Variants in ALOX12 observed in about 807,000 individuals in gnomAD.
ALOX12 encodes the protein arachidonate 12-lipoxygenase, 12S type.
ALOX12 carries 62 observed loss-of-function variants against 85.5 expected under a neutral mutation model. The observed-to-expected ratio is 0.73, with a 90% CI of 0.59 to 0.90. The LOEUF is 0.90. ALOX12 is among the 40% of genes least tolerant of loss of function. The pLI, the probability that ALOX12 is intolerant of heterozygous loss-of-function variation, is 0.00. For synonymous variants in ALOX12, 299 were observed against 332.7 expected, an observed-to-expected ratio of 0.90 and a Z score of 1.10; for missense variants, 751 against 856.5, an observed-to-expected ratio of 0.88 and a Z score of 1.54.
At chr17:6,997,267 T>G in intron 2 of ALOX12, 2 of 469,202 alleles carry the variant, frequency 4.3e-6, no homozygotes, top group Non-Finnish European at 5.6e-6. Flanking sequence ...GATCTGGAGA[T>G]CCCATCTTCC....
rs372860181 is a variant in ALOX12 at position 6,996,995 on chromosome 17, G to A, written c.305G>A (p.Gly102Asp). Residue 102 changes from glycine (G) to aspartate (D), a missense_variant, in exon 2 of 14, where the codon GGC becomes GAC. Physicochemically the swap from Gly to Asp is moderately conservative, Grantham distance 94. Transcript: ENST00000251535. ...VAFPCYRWVQ[G>D]EDILSLPEGT... ...TTCCCGTGCTACCGCTGGGTGCAGG[G>A]CGAGGACATCCTGAGCCTGCCCGAG... is the stretch of plus-strand genomic sequence containing the variant. 3 of 1,560,150 alleles carry A rather than the reference G, an allele frequency of 1.9e-6. No individual in the cohort carries two copies. Among genetic ancestry groups the A allele is most frequent in the African/African-American group, 1.4e-5 (1 of 73,724 alleles).
chr17:6,996,983 G>A lies in ALOX12; in HGVS notation c.293G>A (p.Arg98His), dbSNP rs1908473755. ...GCGGAGGTGGCCTTCCCGTGCTACC[G>A]CTGGGTGCAGGGCGAGGACATCCTG... ...ACAEVAFPCY[R>H]WVQGEDILSL... Residue 98 changes from arginine (R) to histidine (H), a missense_variant, in exon 2 of 14, where the codon CGC becomes CAC. Physicochemically the swap from Arg to His is conservative, Grantham distance 29. Coordinates refer to ENST00000251535, the MANE Select transcript of ALOX12 (RefSeq NM_000697.3). The A allele has an allele frequency of 1.9e-6, 3 of 1,571,872 alleles. No homozygotes were observed. The South Asian group carries it at 3.5e-5, about 18-fold the overall frequency.
rs188741995 is a variant in ALOX12, at chr17:7,009,808, C to T, written c.1602C>T (p.Phe534=). Reference sequence around the variant, plus strand: ...GCCATTTCCTCACCATGTGCGTCTTCACGTGCACTGCCCAGCATGCCGCCA... The same window carrying T: ...GCCATTTCCTCACCATGTGCGTCTTTACGTGCACTGCCCAGCATGCCGCCA... ...QLCHFLTMCV[F]TCTAQHAAIN... is the part of the protein sequence containing the mutation. Residue 534 remains phenylalanine (F), a synonymous_variant, in exon 12 of 14, where the codon TTC becomes TTT. Coordinates refer to ENST00000251535, the MANE Select transcript of ALOX12 (RefSeq NM_000697.3). 6.2e-7 allele frequency: 1 copy of T among 1,614,240 alleles called. No individual in the cohort carries two copies. Among genetic ancestry groups the T allele is most frequent in the Non-Finnish European group, 8.5e-7 (1 of 1,180,044 alleles).
At chr17:7,003,257 C>T (rs567329135) in intron 8 of ALOX12, among the ~76,000 whole-genome samples, 1 of 152,348 alleles carries the variant, frequency 6.6e-6, no homozygotes, top group South Asian at 2.1e-4. Flanking sequence ...CTGCACATGT[C>T]TTAACAGTGG....
In ALOX12 at chr17:7,009,838, C is replaced by A. The variant is rs1567721358; in HGVS notation, c.1632C>A (p.Asn544Lys). Residue 544 changes from asparagine to lysine, a missense_variant, in exon 12 of 14, where the codon AAC becomes AAA. Transcript: ENST00000251535. ...FTCTAQHAAI[N>K]QGQLDWYAWV... ...GCACTGCCCAGCATGCCGCCATCAA[C>A]CAGGGCCAGGTATGGACAGCTGAAA... 6.2e-7 allele frequency: 1 copy of A among 1,614,190 alleles called. No individual in the cohort carries two copies. Among genetic ancestry groups the A allele is most frequent in the East Asian group, 2.2e-5 (1 of 44,890 alleles).
At position 6,996,121 on chromosome 17, in the gene ALOX12, G is replaced by A. The variant is rs1908415488; in HGVS notation, c.4G>A (p.Gly2Ser). The change falls in exon 1 of 14, where the codon GGC becomes AGC. Residue 2 changes from glycine (G) to serine (S), a missense_variant. Physicochemically the swap from Gly to Ser is moderately conservative, Grantham distance 56. Coordinates refer to ENST00000251535, the MANE Select transcript of ALOX12 (RefSeq NM_000697.3). M[G>S]RYRIRVATGA... The stretch of plus-strand genomic sequence containing the variant: ...GCCTAAGCTGCTGGGGGGCGCCATG[G>A]GCCGCTACCGCATCCGCGTGGCCAC... 2.4e-6 allele frequency: 3 copies of A among 1,250,084 alleles called. 1 individual carries two copies. The highest frequency in any genetic ancestry group is 8.0e-5 in the South Asian group (2 of 25,010). The allele number at this position is 1,250,084 out of a possible 1,614,324, so 77.4% of individuals were successfully genotyped here.
In ALOX12 at chr17:7,006,059, CCGGGGGGGGG is replaced by C. The variant is rs1406722036; in HGVS notation, c.1418+33_1418+42del. On this transcript the variant is annotated intron_variant, in intron 10 of 13. Coordinates refer to ENST00000251535, the MANE Select transcript of ALOX12 (RefSeq NM_000697.3). ...AAGGAGGAGCTGAGAAATGGTGGGG[CCGGGGGGGGG>C]GGGGGCTCTGGCCTGAGGCCAGCAT... The C allele has an allele frequency of 3.8e-4, 52 of 135,680 alleles. 22 individuals carry two copies. Among genetic ancestry groups the C allele is most frequent in the East Asian group, 7.7e-4 (2 of 2,612 alleles). 8.4% of individuals were successfully genotyped at this position (135,680 alleles called of 1,614,324 possible). A position where few individuals can be genotyped will look rare whatever the true frequency, so the allele number is the denominator to read the frequency against.
At chr17:7,005,199 C>A in intron 8 of ALOX12, 58 bp from the exon 9 acceptor site, 1 of 1,490,058 alleles carries the variant, frequency 6.7e-7, no homozygotes, top group Non-Finnish European at 9.4e-7. Context: ...CAGGCCCTAC[C>A]AGGAAGGACC....
Position 7,010,174 on chromosome 17 carries a change from A to G in ALOX12, c.1812+48A>G, listed in dbSNP as rs777020697. 10 of 1,599,000 alleles carry G rather than the reference A, an allele frequency of 6.3e-6. No individual in the cohort carries two copies. The Admixed American group carries it at 1.5e-4, about 24-fold the overall frequency. ...GGGAAATGACAGTTGGAAAGGAAAC[A>G]TCAGAGTGAGGGGCTGGGCTCTAGG... On this transcript the variant is annotated intron_variant, in intron 13 of 13. Transcript: ENST00000251535.
chr17:7,005,276 G>T lies in ALOX12; in HGVS notation c.1181G>T (p.Arg394Leu). Residue 394 changes from arginine to leucine, a missense_variant, in exon 9 of 14, where the codon CGC (arginine) becomes CTC (leucine). Physicochemically the swap from Arg to Leu is moderately radical, Grantham distance 102. Coordinates refer to ENST00000251535, the MANE Select transcript of ALOX12 (RefSeq NM_000697.3). ...CTCCAGTTCCTGATCCCCCATATCC[G>T]CTACACCATGGAAATCAACACCCGG... ...PIFKFLIPHI[R>L]YTMEINTRAR... The T allele has an allele frequency of 6.2e-7, 1 of 1,613,500 alleles. No individual in the cohort carries two copies. Among genetic ancestry groups the T allele is most frequent in the South Asian group, 1.1e-5 (1 of 91,060 alleles).
At chr17:6,996,324 CGGCGGGAG>C in intron 1 of ALOX12, 72 bp downstream of exon 1, 1 of 1,194,230 alleles carries the variant, frequency 8.4e-7, no homozygotes, top group Non-Finnish European at 1.0e-6. Flanking sequence ...GCTGGGCTCG[CGGCGGGAG>C]GGCGGGAGGC....
Position 7,010,329 on chromosome 17 carries a change from A to G in ALOX12, c.1898A>G (p.Lys633Arg), listed in dbSNP as rs773485489. The change falls in exon 14 of 14, where the codon AAG becomes AGG. Residue 633 changes from lysine (K) to arginine (R), a missense_variant. Coordinates refer to ENST00000251535, the MANE Select transcript of ALOX12 (RefSeq NM_000697.3). ...AACCAATTCCGAACAGATTTGGAAA[A>G]GCTGGAAAAGGAGATTACAGCCCGG... ...VLNQFRTDLE[K>R]LEKEITARNE... The G allele has an allele frequency of 1.2e-6, 2 of 1,614,212 alleles. No homozygotes were observed. Among genetic ancestry groups the G allele is most frequent in the Non-Finnish European group, 1.7e-6 (2 of 1,180,034 alleles).
Position 7,001,648 on chromosome 17 carries a change from C to A in ALOX12, c.998C>A (p.Pro333His). Residue 333 changes from proline (P) to histidine (H), a missense_variant, in exon 8 of 14, where the codon CCC becomes CAC. Pro to His is a moderately conservative substitution (Grantham distance 77, BLOSUM62 -2). Transcript: ENST00000251535. ...PSSPTPTLFL[P>H]SDPPLAWLLA... ...TCTCCAACCCCAACACTGTTCCTGCCCTCAGACCCCCCACTTGCCTGGCTC... is the reference window on the plus strand; with the variant it reads ...TCTCCAACCCCAACACTGTTCCTGCACTCAGACCCCCCACTTGCCTGGCTC... 1 of 1,614,184 alleles carries A rather than the reference C, an allele frequency of 6.2e-7. No homozygotes were observed. The highest frequency in any genetic ancestry group is 8.5e-7 in the Non-Finnish European group (1 of 1,180,040).
chr17:6,996,909 C>T lies in ALOX12; in HGVS notation c.219C>T (p.Asp73=). 6.2e-7 allele frequency: 1 copy of T among 1,613,440 alleles called. No individual in the cohort carries two copies. Among genetic ancestry groups the T allele is most frequent in the East Asian group, 2.2e-5 (1 of 44,854 alleles). ...VRLRKHHWLV[D]DAWFCDRITV... ...TGCGCAAGCACCACTGGCTGGTGGA[C>T]GACGCGTGGTTCTGCGACCGCATCA... The change falls in exon 2 of 14, where the codon GAC becomes GAT. Residue 73 remains aspartate, a synonymous_variant. Coordinates refer to ENST00000251535, the MANE Select transcript of ALOX12 (RefSeq NM_000697.3).
At chr17:7,005,555 A>G (rs2151644435) in intron 9 of ALOX12, among the ~76,000 whole-genome samples, 1 of 130,910 alleles carries the variant, frequency 7.6e-6, no homozygotes, top group Non-Finnish European at 1.5e-5. Flanking sequence ...ATCTCGGCTC[A>G]CTGCCATCTC....
Position 7,000,394 on chromosome 17 carries a change from T to G in ALOX12, c.866T>G (p.Ile289Ser). The change falls in exon 7 of 14, where the codon ATC (isoleucine) becomes AGC (serine). Residue 289 changes from isoleucine to serine, a missense_variant. Physicochemically the swap from Ile to Ser is moderately radical, Grantham distance 142. Coordinates refer to ENST00000251535, the MANE Select transcript of ALOX12 (RefSeq NM_000697.3). The surrounding 1 kb of genome is among the most constrained non-coding windows in gnomAD (Gnocchi z 4.6). ...CTGGATGGAATTCCAGCCAACGTGATCCGAGGAGAGAAGCAATACCTGGCT... is the reference window on the plus strand; with the variant it reads ...CTGGATGGAATTCCAGCCAACGTGAGCCGAGGAGAGAAGCAATACCTGGCT... Reference protein sequence around the residue: ...ILLDGIPANVIRGEKQYLAAP... With the variant: ...ILLDGIPANVSRGEKQYLAAP... 1 of 1,614,184 alleles carries G rather than the reference T, an allele frequency of 6.2e-7. No homozygotes were observed. Among genetic ancestry groups the G allele is most frequent in the Non-Finnish European group, 8.5e-7 (1 of 1,180,030 alleles).
In ALOX12 at chr17:7,000,286, TGG is replaced by T; in HGVS notation, c.808-46_808-45del. On this transcript the variant is annotated intron_variant, in intron 6 of 13. Coordinates refer to ENST00000251535, the MANE Select transcript of ALOX12 (RefSeq NM_000697.3). The surrounding 1 kb of genome is among the most constrained non-coding windows in gnomAD (Gnocchi z 4.6). ...TCTCTTGCCCTTTGCCCCGGCCCCC[TGG>T]GGGTAGACTTTGAACTCTAAAAATG... 1 of 1,604,666 alleles carries T rather than the reference TGG, an allele frequency of 6.2e-7. No homozygotes were observed. Among genetic ancestry groups the T allele is most frequent in the South Asian group, 1.1e-5 (1 of 90,402 alleles).
chr17:7,009,867 C>G lies in ALOX12; in HGVS notation c.1641+20C>G, dbSNP rs1336669585. ...GGCCAGGTATGGACAGCTGAAAGCCCAGGTCCCTGAAGGCAAGGTGACCTG... is the reference window on the plus strand; with the variant it reads ...GGCCAGGTATGGACAGCTGAAAGCCGAGGTCCCTGAAGGCAAGGTGACCTG... On this transcript the variant is annotated intron_variant, in intron 12 of 13. Coordinates refer to ENST00000251535, the MANE Select transcript of ALOX12 (RefSeq NM_000697.3). 1 of 1,614,098 alleles carries G rather than the reference C, an allele frequency of 6.2e-7. No homozygotes were observed. The highest frequency in any genetic ancestry group is 8.5e-7 in the Non-Finnish European group (1 of 1,179,920).
intron 8 of ALOX12, among the ~76,000 whole-genome samples, chr17:7,004,498 A>T (rs1487514587): frequency 1.4e-5 from 2 of 147,214 alleles, no homozygotes; most frequent in East Asian, 2.0e-4. Flanking sequence ...AATATTTAAT[A>T]TTAAATTAAT....
Sources: allele counts gnomAD v4.1 joint callset (sites outside exome capture counted in the v4.1 genomes callset), GRCh38; gene constraint gnomAD v4.1.1; non-coding constraint Gnocchi (gnomAD v3.1); transcripts MANE v1.5; gene names NCBI Gene and HGNC (gene_info 2026-07-23, HGNC 2026-07-21).